VAV3: variants seen among roughly 807,000 people sequenced by gnomAD.
The protein encoded by VAV3 is guanine nucleotide exchange factor VAV3.
Under a neutral mutation model 131.2 loss-of-function variants are expected in VAV3, and 94 were observed. That is an observed-to-expected ratio of 0.72 (90% CI 0.61 to 0.85). The LOEUF is 0.85. Ranked by LOEUF, VAV3 falls within the 40% of genes least tolerant of loss-of-function variation. VAV3 has a pLI of 0.00. For missense variants in VAV3, 939 were observed against 1,002.7 expected, an observed-to-expected ratio of 0.94 and a Z score of 0.86; for synonymous variants, 349 against 342.0, an observed-to-expected ratio of 1.02 and a Z score of -0.22.
chr1:107,865,413 T>C (rs914520497), intron 2 of VAV3, among the ~76,000 whole-genome samples: 1 of 152,156 alleles, frequency 6.6e-6, no homozygotes, highest in Non-Finnish European at 1.5e-5. Flanking sequence ...GTAATGAGTG[T>C]ATGTGATCTT....
intron 15 of VAV3, among the ~76,000 whole-genome samples, chr1:107,738,625 G>A (rs572421026): frequency 2.6e-5 from 4 of 152,184 alleles, no homozygotes; most frequent in South Asian, 2.1e-4. Context: ...GTTTCCAATC[G>A]CAGCTTATTT....
At chr1:107,877,285 T>C (rs1020457129) in intron 1 of VAV3, among the ~76,000 whole-genome samples, 1 of 152,186 alleles carries the variant, frequency 6.6e-6, no homozygotes, top group African/African-American at 2.4e-5. Context: ...AGACAGATAA[T>C]AATTACTCTC....
At chr1:107,794,088 G>A (rs1666429119) in intron 2 of VAV3, among the ~76,000 whole-genome samples, 1 of 152,262 alleles carries the variant, frequency 6.6e-6, no homozygotes, top group Non-Finnish European at 1.5e-5. Context: ...TTCCAGACGG[G>A]ACCAAAGATA....
At chr1:107,807,624 A>T (rs892056119) in intron 2 of VAV3, among the ~76,000 whole-genome samples, 6 of 152,222 alleles carry the variant, frequency 3.9e-5, no homozygotes, top group African/African-American at 1.2e-4. Context: ...GTTTATAACC[A>T]GCACATAGCC....
At chr1:107,797,987 C>T (rs377662673) in intron 2 of VAV3, among the ~76,000 whole-genome samples, 23 of 152,088 alleles carry the variant, frequency 1.5e-4, no homozygotes, top group East Asian at 5.8e-4. Flanking sequence ...TGACATAGAG[C>T]GATAAGCCAT....
At chr1:107,661,186 A>C (rs139438636) in intron 19 of VAV3, among the ~76,000 whole-genome samples, 80 of 152,298 alleles carry the variant, frequency 5.3e-4, no homozygotes, top group African/African-American at 1.9e-3. Context: ...TTTCTGCCCC[A>C]GGGTAGACAC....
chr1:107,808,174 T>C (rs1043324177), intron 2 of VAV3, among the ~76,000 whole-genome samples: 2 of 152,166 alleles, frequency 1.3e-5, no homozygotes, highest in African/African-American at 2.4e-5. Flanking sequence ...AACACTAACA[T>C]TTCCATCTTT....
chr1:107,749,191 T>G, intron 14 of VAV3, 114 bp from the exon 15 acceptor site: 1 of 894,452 alleles, frequency 1.1e-6, no homozygotes, highest in Non-Finnish European at 1.7e-6. Flanking sequence ...ATGTACAAAC[T>G]GAACAATCAA....
In VAV3 at chr1:107,958,709, T is replaced by C. The variant is rs150267527; in HGVS notation, c.204+5957A>G. ...TTGTTACATAGGTATACATGTGCCA[T>C]GGTGGTTTCCTGCACCCATCAACCC... On this transcript the variant is annotated intron_variant, in intron 1 of 26. Coordinates refer to ENST00000370056, the MANE Select transcript of VAV3 (RefSeq NM_006113.5). Among the ~76,000 whole-genome samples the C allele has an allele frequency of 6.8e-3, 1,035 of 152,300 alleles. 9 individuals are homozygous for C. The highest frequency in any genetic ancestry group is 0.034 in the Middle Eastern group (10 of 294).
At chr1:107,962,722 A>G (rs1037823811) in intron 1 of VAV3, among the ~76,000 whole-genome samples, 2 of 152,212 alleles carry the variant, frequency 1.3e-5, no homozygotes, top group Non-Finnish European at 2.9e-5. Context: ...ACCCTCTCAT[A>G]GGACATTACA....
At position 107,964,826 on chromosome 1, in the gene VAV3, TTGCAATGGATGAGCCAC is replaced by T. The variant is rs1675349205; in HGVS notation, c.27_43del (p.Trp10GlyfsTer33). 6.2e-7 allele frequency: 1 copy of T among 1,613,470 alleles called. No homozygotes were observed. The highest frequency in any genetic ancestry group is 1.3e-5 in the African/African-American group (1 of 74,896). On this transcript the variant is annotated frameshift_variant, in exon 1 of 27. Coordinates refer to ENST00000370056, the MANE Select transcript of VAV3 (RefSeq NM_006113.5). LOFTEE classifies it high-confidence loss of function. The stretch of plus-strand genomic sequence containing the variant: ...CACCCGGTGGTTGGTGGGCAGCACC[TTGCAATGGATGAGCCAC>T]TGCGCGCACTGCTTCCACGGCTCCA...
chr1:107,931,478 C>T (rs192968513), intron 1 of VAV3, among the ~76,000 whole-genome samples: 1 of 152,172 alleles, frequency 6.6e-6, no homozygotes, highest in East Asian at 1.9e-4. Flanking sequence ...AATGTGATAA[C>T]CTAGATAACC....
chr1:107,744,869 C>T (rs1261081517), intron 15 of VAV3, among the ~76,000 whole-genome samples: 1 of 152,166 alleles, frequency 6.6e-6, no homozygotes, highest in African/African-American at 2.4e-5. Context: ...GAACTGAGAT[C>T]CTCAACTGTA....
At chr1:107,626,419 G>C (rs531444224) in intron 20 of VAV3, among the ~76,000 whole-genome samples, 1 of 152,244 alleles carries the variant, frequency 6.6e-6, no homozygotes, top group East Asian at 1.9e-4. Flanking sequence ...TAGGGACTCT[G>C]ATTTAACTCA....
chr1:107,742,174 C>G (rs1395452611), intron 15 of VAV3, among the ~76,000 whole-genome samples: 1 of 151,866 alleles, frequency 6.6e-6, no homozygotes, highest in Non-Finnish European at 1.5e-5. Context: ...GAAAAACTCT[C>G]TCCTCCAAAG....
At chr1:107,644,963 A>C (rs1216692936) in intron 19 of VAV3, among the ~76,000 whole-genome samples, 1 of 65,388 alleles carries the variant, frequency 1.5e-5, no homozygotes. Context: ...GAGTATACAG[A>C]GTATACACTA....
chr1:107,804,331 T>C (rs1666961877), intron 2 of VAV3, among the ~76,000 whole-genome samples: 1 of 152,184 alleles, frequency 6.6e-6, no homozygotes, highest in African/African-American at 2.4e-5. Flanking sequence ...TTTTACTGTC[T>C]TCCTTTGTGG....
intron 20 of VAV3, among the ~76,000 whole-genome samples, chr1:107,632,774 G>T (rs1439349514): frequency 6.6e-6 from 1 of 152,160 alleles, no homozygotes; most frequent in East Asian, 1.9e-4. Flanking sequence ...ATGCATACTT[G>T]CTATCTGAAA....
At chr1:107,796,204 T>C (rs766300473) in intron 2 of VAV3, among the ~76,000 whole-genome samples, 4 of 152,154 alleles carry the variant, frequency 2.6e-5, no homozygotes, top group Non-Finnish European at 5.9e-5. Context: ...TAATCTTTGC[T>C]GCAGCCCTGA....
Sources: gnomAD v4.1 joint callset for allele counts (sites outside exome capture counted in the v4.1 genomes callset) on GRCh38, gnomAD v4.1.1 for gene constraint, MANE v1.5 for transcripts, NCBI Gene and HGNC (gene_info 2026-07-23, HGNC 2026-07-21) for gene names.